The following STK33 variants were observed in gnomAD, a reference collection of about 807,000 sequenced individuals.
STK33 encodes serine/threonine-protein kinase 33.
In STK33, 52 loss-of-function variants were observed where a neutral mutation model predicts 58.0. The observed-to-expected ratio is 0.90, with a 90% CI of 0.72 to 1.13. The LOEUF (loss-of-function observed/expected upper bound fraction) is 1.13. Ranked by LOEUF, STK33 falls within the 50% of genes most tolerant of loss-of-function variation. The probability of loss-of-function intolerance (pLI) is 0.00; values close to 1 mark genes in which losing one functional copy is unlikely to be tolerated. For synonymous variants in STK33, 215 were observed against 200.1 expected, an observed-to-expected ratio of 1.07 and a Z score of -0.63; for missense variants, 630 against 604.2, an observed-to-expected ratio of 1.04 and a Z score of -0.45.
At chr11:8,394,001 G>T (rs1424561279) in intron 15 of STK33, among the ~76,000 whole-genome samples, 1 of 152,126 alleles carries the variant, frequency 6.6e-6, no homozygotes, top group Non-Finnish European at 1.5e-5. Context: ...GCTAATTCTT[G>T]AGCAGGTAAC....
At chr11:8,503,290 A>C (rs1191043775) in intron 1 of STK33, among the ~76,000 whole-genome samples, 1 of 152,224 alleles carries the variant, frequency 6.6e-6, no homozygotes, top group Non-Finnish European at 1.5e-5. Context: ...CACAGCCATA[A>C]AAAAGAATAA....
At chr11:8,493,701 A>C (rs1014564005) in intron 1 of STK33, among the ~76,000 whole-genome samples, 3 of 152,198 alleles carry the variant, frequency 2.0e-5, no homozygotes, top group African/African-American at 7.2e-5. Context: ...ATCCTCAATA[A>C]AATACTGGCA....
intron 1 of STK33, among the ~76,000 whole-genome samples, chr11:8,494,870 G>A (rs1374738706): frequency 6.6e-6 from 1 of 152,192 alleles, no homozygotes; most frequent in Non-Finnish European, 1.5e-5. Flanking sequence ...AATAAATGGT[G>A]CTGGGAAAAC....
intron 1 of STK33, among the ~76,000 whole-genome samples, chr11:8,512,548 T>C (rs1420699848): frequency 6.6e-6 from 1 of 151,940 alleles, no homozygotes; most frequent in Non-Finnish European, 1.5e-5. Flanking sequence ...AAGGCAAGAG[T>C]GTTTGTGGAG....
At chr11:8,509,989 T>C (rs1308635844) in intron 1 of STK33, among the ~76,000 whole-genome samples, 3 of 152,242 alleles carry the variant, frequency 2.0e-5, no homozygotes, top group Non-Finnish European at 4.4e-5. Context: ...CTTTTTTATA[T>C]AATGACTTCC....
intron 8 of STK33, among the ~76,000 whole-genome samples, chr11:8,461,188 A>G (rs1486486638): frequency 6.6e-6 from 1 of 152,222 alleles, no homozygotes; most frequent in African/African-American, 2.4e-5. Context: ...CACAGTCCAT[A>G]CGCCTAATCC....
At chr11:8,543,047 C>T (rs1955644852) in intron 1 of STK33, among the ~76,000 whole-genome samples, 2 of 152,266 alleles carry the variant, frequency 1.3e-5, no homozygotes, top group African/African-American at 4.8e-5. Context: ...TTATCTCCAT[C>T]AGTTTGATGC....
At chr11:8,355,565 C>T in the STK33 span, among the ~76,000 whole-genome samples, 1 of 152,198 alleles carries the variant, frequency 6.6e-6, no homozygotes, top group Admixed American at 6.5e-5. Context: ...CCTTCCTCTC[C>T]TTGTCCAGCC....
At chr11:8,345,560 T>G in the STK33 span, among the ~76,000 whole-genome samples, 7 of 152,252 alleles carry the variant, frequency 4.6e-5, no homozygotes, top group Non-Finnish European at 8.8e-5. Flanking sequence ...GCGGTTTGGG[T>G]GTGCCAGCAA....
the STK33 span, among the ~76,000 whole-genome samples, chr11:8,374,549 T>A: frequency 1.3e-5 from 2 of 152,146 alleles, no homozygotes; most frequent in East Asian, 3.9e-4. Context: ...GAGAGAAGGA[T>A]AGATCATACT....
the STK33 span, among the ~76,000 whole-genome samples, chr11:8,381,906 G>A: frequency 1.3e-5 from 2 of 152,088 alleles, no homozygotes; most frequent in East Asian, 1.9e-4. Flanking sequence ...AAACAGACAC[G>A]TTGCATGTCA....
intron 1 of STK33, among the ~76,000 whole-genome samples, chr11:8,569,217 T>C (rs1436101745): frequency 6.6e-6 from 1 of 152,170 alleles, no homozygotes; most frequent in Admixed American, 6.5e-5. Context: ...AATAACAAAA[T>C]TGGAAGACTC....
intron 11 of STK33, among the ~76,000 whole-genome samples, chr11:8,452,020 C>A (rs571532151): frequency 6.6e-6 from 1 of 152,072 alleles, no homozygotes; most frequent in South Asian, 2.1e-4. Context: ...CCGGCCAACA[C>A]GGCAAAAACC....
At chr11:8,389,848 T>C (rs1167254454), downstream of STK33, among the ~76,000 whole-genome samples, 1 of 152,196 alleles carries the variant, frequency 6.6e-6, no homozygotes, top group Non-Finnish European at 1.5e-5. Flanking sequence ...TGTGGCTGAC[T>C]CTTAAAATCT....
chr11:8,410,364 A>G lies in STK33; in HGVS notation c.1344+3131T>C, dbSNP rs994317856. 1.3e-5 allele frequency among the ~76,000 whole-genome samples: 2 copies of G among 152,162 alleles called. 1 individual carries two copies. The highest frequency in any genetic ancestry group is 1.3e-4 in the Admixed American group (2 of 15,278). ...TCTACTTTCTAGCCTAGATAAAGCA[A>G]CTGCTACATGTACTATCTCCTACAA... On this transcript the variant is annotated intron_variant, in intron 15 of 15. Transcript: ENST00000687296.
At chr11:8,408,658 C>T (rs932340307) in intron 15 of STK33, among the ~76,000 whole-genome samples, 2 of 152,170 alleles carry the variant, frequency 1.3e-5, no homozygotes, top group Non-Finnish European at 2.9e-5. Context: ...TTTGAGAGGT[C>T]CCCACAATCA....
chr11:8,421,673 A>T (rs1249823817), intron 14 of STK33, among the ~76,000 whole-genome samples: 1 of 152,224 alleles, frequency 6.6e-6, no homozygotes, highest in African/African-American at 2.4e-5. Context: ...GGGAAAAATT[A>T]ATTTTTGATA....
chr11:8,538,050 T>C (rs768326688), intron 1 of STK33, among the ~76,000 whole-genome samples: 15 of 151,966 alleles, frequency 9.9e-5, no homozygotes, highest in African/African-American at 1.4e-4. Flanking sequence ...TAGTTGGGCA[T>C]GGTGGTGTGC....
At chr11:8,422,908 T>C (rs552123363) in intron 14 of STK33, among the ~76,000 whole-genome samples, 1 of 151,690 alleles carries the variant, frequency 6.6e-6, no homozygotes, top group Middle Eastern at 3.4e-3. Flanking sequence ...CACTGCAGCC[T>C]CCGCTCTCCT....
Sources: allele counts gnomAD v4.1 joint callset (sites outside exome capture counted in the v4.1 genomes callset), GRCh38; gene constraint gnomAD v4.1.1; transcripts MANE v1.5; gene names NCBI Gene and HGNC (gene_info 2026-07-23, HGNC 2026-07-21).